Variants in LRRTM4 observed in about 807,000 individuals in gnomAD.
The protein encoded by LRRTM4 is leucine-rich repeat transmembrane neuronal protein 4.
A neutral mutation model predicts 47.6 loss-of-function variants in LRRTM4; 25 were observed. That is an observed-to-expected ratio of 0.53 (90% confidence interval 0.38 to 0.73). The LOEUF (loss-of-function observed/expected upper bound fraction) is 0.73. LRRTM4 is among the 30% of genes least tolerant of loss of function. The pLI is 0.00. For missense variants in LRRTM4, 638 were observed against 713.4 expected, an observed-to-expected ratio of 0.89 and a Z score of 1.20; for synonymous variants, 311 against 269.5, an observed-to-expected ratio of 1.15 and a Z score of -1.51.
At chr2:76,803,176 A>G (rs1462198304) in intron 3 of LRRTM4, among the ~76,000 whole-genome samples, 1 of 152,154 alleles carries the variant, frequency 6.6e-6, no homozygotes, top group South Asian at 2.1e-4. Context: ...CTCCAGGATA[A>G]AAGTATTTGC....
At chr2:77,440,355 AGTGAGCCAAGATCGTG>A (rs1675790603) in intron 3 of LRRTM4, among the ~76,000 whole-genome samples, 1 of 152,002 alleles carries the variant, frequency 6.6e-6, no homozygotes, top group African/African-American at 2.4e-5. Context: ...TGGAGCTTGC[AGTGAGCCAAGATCGTG>A]CCACTGCACT....
At chr2:77,074,036 T>C (rs532110482) in intron 3 of LRRTM4, among the ~76,000 whole-genome samples, 1 of 152,102 alleles carries the variant, frequency 6.6e-6, no homozygotes, top group Non-Finnish European at 1.5e-5. Context: ...TTCCCCTACA[T>C]TGTTTAAAAA....
chr2:77,085,004 T>A (rs746183825), intron 3 of LRRTM4, among the ~76,000 whole-genome samples: 1 of 152,174 alleles, frequency 6.6e-6, no homozygotes, highest in Non-Finnish European at 1.5e-5. Context: ...AAGCTTACAA[T>A]GCTTATAATG....
chr2:77,237,034 T>C (rs968822698), intron 3 of LRRTM4, among the ~76,000 whole-genome samples: 2 of 152,082 alleles, frequency 1.3e-5, no homozygotes, highest in African/African-American at 4.8e-5. Flanking sequence ...GATGCTGGCT[T>C]CATGGAATAA....
chr2:77,304,402 T>A (rs290042), intron 3 of LRRTM4, among the ~76,000 whole-genome samples: 47,602 of 151,922 alleles, frequency 0.31, 8,627 homozygotes, highest in East Asian at 0.59. Flanking sequence ...GAGAAGTGAA[T>A]GCCAAGTTCC....
At chr2:77,438,289 T>A (rs999036677) in intron 3 of LRRTM4, among the ~76,000 whole-genome samples, 1 of 152,108 alleles carries the variant, frequency 6.6e-6, no homozygotes, top group South Asian at 2.1e-4. Context: ...AAAACTGTTT[T>A]TATATATATT....
At chr2:77,223,953 C>G (rs920098477) in intron 3 of LRRTM4, among the ~76,000 whole-genome samples, 8 of 152,140 alleles carry the variant, frequency 5.3e-5, no homozygotes, top group African/African-American at 1.9e-4. Context: ...TACCTGACTT[C>G]AAACTATGCT....
At chr2:77,102,061 G>A (rs1670969335) in intron 3 of LRRTM4, among the ~76,000 whole-genome samples, 1 of 152,204 alleles carries the variant, frequency 6.6e-6, no homozygotes, top group South Asian at 2.1e-4. Context: ...CTATCTGTGT[G>A]TGCTGTTTCA....
intron 3 of LRRTM4, among the ~76,000 whole-genome samples, chr2:77,335,014 T>C (rs558674030): frequency 6.6e-6 from 1 of 152,306 alleles, no homozygotes; most frequent in South Asian, 2.1e-4. Flanking sequence ...ATTCTCATAG[T>C]TCCTTCTTTA....
At chr2:77,031,005 T>C (rs1157044199) in intron 3 of LRRTM4, among the ~76,000 whole-genome samples, 1 of 152,204 alleles carries the variant, frequency 6.6e-6, no homozygotes, top group African/African-American at 2.4e-5. Context: ...GACAGTGGGA[T>C]TTATCTTTTT....
At chr2:76,749,586 T>G (rs1573047960) in intron 3 of LRRTM4, among the ~76,000 whole-genome samples, 1 of 152,162 alleles carries the variant, frequency 6.6e-6, no homozygotes, top group South Asian at 2.1e-4. Context: ...TTTATGTTCA[T>G]AATATGTAAT....
intron 3 of LRRTM4, among the ~76,000 whole-genome samples, chr2:76,917,248 A>T (rs1674282960): frequency 6.6e-6 from 1 of 152,208 alleles, no homozygotes; most frequent in Admixed American, 6.5e-5. Flanking sequence ...CAGGAGGCAG[A>T]TTTGACTGGG....
chr2:77,019,478 A>G (rs1678191879), intron 3 of LRRTM4, among the ~76,000 whole-genome samples: 1 of 152,070 alleles, frequency 6.6e-6, no homozygotes, highest in Non-Finnish European at 1.5e-5. Flanking sequence ...TCTAAGCCTC[A>G]GTGACTACAC....
intron 3 of LRRTM4, among the ~76,000 whole-genome samples, chr2:77,129,965 G>A (rs377696614): frequency 1.2e-3 from 189 of 152,144 alleles, no homozygotes; most frequent in African/African-American, 4.1e-3. Flanking sequence ...ATAAAAACAA[G>A]CATTTTTTTC....
At chr2:77,352,069 G>C (rs1396814553) in intron 3 of LRRTM4, among the ~76,000 whole-genome samples, 1 of 152,082 alleles carries the variant, frequency 6.6e-6, no homozygotes, top group Non-Finnish European at 1.5e-5. Context: ...ATAATCCGTA[G>C]TCAATCATGA....
chr2:76,796,450 C>G (rs1404038111), intron 3 of LRRTM4, among the ~76,000 whole-genome samples: 1 of 133,104 alleles, frequency 7.5e-6, no homozygotes, highest in Non-Finnish European at 1.6e-5. Flanking sequence ...GTGGTTCTCC[C>G]AGCATGCAGC....
intron 3 of LRRTM4, among the ~76,000 whole-genome samples, chr2:77,193,599 C>T (rs903495028): frequency 1.3e-5 from 2 of 151,776 alleles, no homozygotes; most frequent in Non-Finnish European, 2.9e-5. Flanking sequence ...CACCTGAGAT[C>T]AGGAGTTCGA....
At chr2:77,216,693 G>A (rs1366030440) in intron 3 of LRRTM4, among the ~76,000 whole-genome samples, 1 of 152,156 alleles carries the variant, frequency 6.6e-6, no homozygotes, top group African/African-American at 2.4e-5. Flanking sequence ...AGGGTAACAT[G>A]TGACATTAAC....
intron 3 of LRRTM4, among the ~76,000 whole-genome samples, chr2:77,131,212 C>G (rs1446671858): frequency 6.6e-6 from 1 of 152,102 alleles, no homozygotes; most frequent in African/African-American, 2.4e-5. Flanking sequence ...GTGTGCTAAA[C>G]AAAGCCGCAA....
Sources: allele counts gnomAD v4.1 joint callset (sites outside exome capture counted in the v4.1 genomes callset), GRCh38; gene constraint gnomAD v4.1.1; transcripts MANE v1.5; gene names NCBI Gene and HGNC (gene_info 2026-07-23, HGNC 2026-07-21).